GALNTL6: variants seen among roughly 807,000 people sequenced by gnomAD.
GALNTL6 encodes the protein polypeptide N-acetylgalactosaminyltransferase-like 6.
GALNTL6 carries 46 observed loss-of-function variants against 73.7 expected under a neutral mutation model. The ratio of observed to expected loss-of-function variants is 0.62; its 90% CI spans 0.49 to 0.80. The LOEUF (loss-of-function observed/expected upper bound fraction) is 0.80. GALNTL6 is among the 30% of genes least tolerant of loss of function. GALNTL6 has a pLI of 0.00. For synonymous variants in GALNTL6, 259 were observed against 263.7 expected (o/e 0.98, Z 0.17); for missense variants, 604 against 755.0 (o/e 0.80, Z 2.34).
chr4:171,923,827 T>TGTGTGTGTGTGTGTGTGTGTG (rs1560843047), intron 2 of GALNTL6, among the ~76,000 whole-genome samples: 4 of 149,242 alleles, frequency 2.7e-5, no homozygotes, highest in South Asian at 2.1e-4. Flanking sequence ...TGTGTGTGTG[T>TGTGTGTGTGTGTGTGTGTGTG]TTGAAGTTCT....
At chr4:172,669,770 A>G (rs537707170) in intron 5 of GALNTL6, among the ~76,000 whole-genome samples, 2 of 152,172 alleles carry the variant, frequency 1.3e-5, no homozygotes, top group Admixed American at 6.5e-5. Flanking sequence ...TCACTCAGGT[A>G]TGAAGCCTAG....
At chr4:172,411,579 G>C (rs947514524) in intron 5 of GALNTL6, among the ~76,000 whole-genome samples, 1 of 151,326 alleles carries the variant, frequency 6.6e-6, no homozygotes, top group African/African-American at 2.4e-5. Context: ...CTGATGGCGT[G>C]CTTTCTAACC....
At chr4:173,039,405 C>CT (rs11347097) in intron 12 of GALNTL6, among the ~76,000 whole-genome samples, 3 of 151,158 alleles carry the variant, frequency 2.0e-5, no homozygotes, top group Admixed American at 1.3e-4. Context: ...TTGACTGCTG[C>CT]TTTTTTTTTT....
At chr4:171,888,817 A>G (rs1466492354) in intron 2 of GALNTL6, among the ~76,000 whole-genome samples, 3 of 152,160 alleles carry the variant, frequency 2.0e-5, no homozygotes, top group Admixed American at 1.3e-4. Context: ...GTGCATATGT[A>G]TCTAGAAAAA....
chr4:173,023,133 C>G (rs947169988), intron 12 of GALNTL6, among the ~76,000 whole-genome samples: 3 of 152,094 alleles, frequency 2.0e-5, no homozygotes, highest in Admixed American at 1.3e-4. Flanking sequence ...CAGTGTCCCC[C>G]CAAATTACAG....
intron 5 of GALNTL6, among the ~76,000 whole-genome samples, chr4:172,354,200 A>G (rs1233430545): frequency 1.3e-5 from 2 of 152,150 alleles, no homozygotes; most frequent in Non-Finnish European, 2.9e-5. Flanking sequence ...TTTATGTCTC[A>G]GATTTATTGA....
At chr4:172,839,643 A>G (rs2111078827) in intron 7 of GALNTL6, among the ~76,000 whole-genome samples, 1 of 152,362 alleles carries the variant, frequency 6.6e-6, no homozygotes, top group East Asian at 1.9e-4. Context: ...TCTTTCTACA[A>G]TACAGAATTG....
At chr4:172,413,277 G>A (rs1005219345) in intron 5 of GALNTL6, among the ~76,000 whole-genome samples, 3 of 152,182 alleles carry the variant, frequency 2.0e-5, no homozygotes, top group Admixed American at 2.0e-4. Flanking sequence ...TCTACCACAA[G>A]TAGACACTCT....
chr4:172,970,565 A>G lies in GALNTL6; in HGVS notation c.1371+18307A>G, dbSNP rs190088225. 1.9e-4 allele frequency among the ~76,000 whole-genome samples: 29 copies of G among 152,248 alleles called. 1 individual carries two copies. Among genetic ancestry groups the G allele is most frequent in the African/African-American group, 6.7e-4 (28 of 41,514 alleles). On this transcript the variant is annotated intron_variant, in intron 10 of 12. Coordinates refer to ENST00000506823, the MANE Select transcript of GALNTL6 (RefSeq NM_001034845.3). ...TCTCTGCAAGAAGAAAAATATGACT[A>G]TATTCTGCCCAACCCTGCAGGCAGT...
intron 2 of GALNTL6, among the ~76,000 whole-genome samples, chr4:171,844,567 G>A (rs893632556): frequency 2.6e-5 from 4 of 152,114 alleles, no homozygotes; most frequent in African/African-American, 9.7e-5. Context: ...GATGAAGTAG[G>A]CTAATATTAT....
chr4:171,838,329 G>A (rs1188694054), intron 2 of GALNTL6, among the ~76,000 whole-genome samples: 1 of 151,894 alleles, frequency 6.6e-6, no homozygotes, highest in Non-Finnish European at 1.5e-5. Flanking sequence ...CACCATGTTG[G>A]CCAGGCTGGT....
At chr4:172,183,159 T>G in intron 2 of GALNTL6, among the ~76,000 whole-genome samples, 1 of 152,360 alleles carries the variant, frequency 6.6e-6, no homozygotes, top group Middle Eastern at 3.4e-3. Context: ...TTATTCAATC[T>G]GTGAATATTA....
intron 8 of GALNTL6, among the ~76,000 whole-genome samples, chr4:172,912,405 A>AG (rs1486724400): frequency 1.2e-4 from 19 of 152,240 alleles, no homozygotes; most frequent in Non-Finnish European, 2.5e-4. Context: ...TGTGAGCCAA[A>AG]GCAGGGCAGG....
At chr4:172,435,723 A>T (rs928473582) in intron 5 of GALNTL6, among the ~76,000 whole-genome samples, 2 of 152,162 alleles carry the variant, frequency 1.3e-5, no homozygotes, top group South Asian at 2.1e-4. Context: ...TGTACATGGG[A>T]TATAACGAGT....
chr4:172,458,029 C>T (rs1732463401), intron 5 of GALNTL6, among the ~76,000 whole-genome samples: 1 of 152,054 alleles, frequency 6.6e-6, no homozygotes, highest in South Asian at 2.1e-4. Context: ...TCTCTCAGAC[C>T]ACAGTGCAAT....
intron 5 of GALNTL6, among the ~76,000 whole-genome samples, chr4:172,460,951 A>G (rs1438216691): frequency 6.6e-6 from 1 of 152,182 alleles, no homozygotes; most frequent in African/African-American, 2.4e-5. Flanking sequence ...ACAATAGCAA[A>G]AGCTTGGAAC....
At chr4:171,912,889 T>G (rs1015502594) in intron 2 of GALNTL6, among the ~76,000 whole-genome samples, 1 of 152,228 alleles carries the variant, frequency 6.6e-6, no homozygotes, top group African/African-American at 2.4e-5. Flanking sequence ...TTATTCTTTT[T>G]TTGTGATTGA....
chr4:171,953,864 A>G (rs933874791), intron 2 of GALNTL6, among the ~76,000 whole-genome samples: 2 of 152,196 alleles, frequency 1.3e-5, no homozygotes, highest in African/African-American at 4.8e-5. Flanking sequence ...GACAATAAAC[A>G]TAAGAAGAAT....
chr4:172,330,330 G>A (rs971639341), intron 4 of GALNTL6, among the ~76,000 whole-genome samples: 1 of 152,180 alleles, frequency 6.6e-6, no homozygotes, highest in African/African-American at 2.4e-5. Flanking sequence ...CCCATGGTTT[G>A]CAAAGATCCA....
Sources: allele counts gnomAD v4.1 joint callset (sites outside exome capture counted in the v4.1 genomes callset), GRCh38; gene constraint gnomAD v4.1.1; transcripts MANE v1.5; gene names NCBI Gene and HGNC (gene_info 2026-07-23, HGNC 2026-07-21).